The following ADARB2 variants were observed in gnomAD, a reference collection of about 807,000 sequenced individuals.
ADARB2 encodes inactive double-stranded RNA-specific editase B2.
ADARB2 carries 25 observed loss-of-function variants against 62.2 expected under a neutral mutation model. That is an observed-to-expected ratio of 0.40 (90% confidence interval 0.29 to 0.56). ADARB2 has a LOEUF of 0.56. Ranked by LOEUF, ADARB2 falls within the 20% of genes least tolerant of loss-of-function variation. The pLI, the probability that ADARB2 is intolerant of heterozygous loss-of-function variation, is 0.43. For missense variants in ADARB2, 1,071 were observed against 1,077.4 expected, an observed-to-expected ratio of 0.99 and a Z score of 0.08; for synonymous variants, 572 against 500.8, an observed-to-expected ratio of 1.14 and a Z score of -1.90.
Position 1,458,339 on chromosome 10 carries a change from A to C in ADARB2, c.101-79179T>G, listed in dbSNP as rs1831123174. 2.0e-5 allele frequency among the ~76,000 whole-genome samples: 3 copies of C among 150,790 alleles called. No individual in the cohort carries two copies. The South Asian group carries it at 6.3e-4, about 32-fold the overall frequency. On this transcript the variant is annotated intron_variant, in intron 1 of 9. Transcript: ENST00000381312. ...AATGAGCTGCCAGGAGAAGAAGGAA[A>C]GGTCCCACTTGAGAGTGAAAACTTG...
At chr10:1,622,047 A>G (rs1909437) in intron 1 of ADARB2, among the ~76,000 whole-genome samples, 44,824 of 152,128 alleles carry the variant, frequency 0.29, 7,627 homozygotes, top group African/African-American at 0.47. Flanking sequence ...ATTAATGCTT[A>G]CATCCATGGG....
intron 1 of ADARB2, among the ~76,000 whole-genome samples, chr10:1,586,147 C>G (rs976816919): frequency 2.0e-5 from 3 of 152,238 alleles, no homozygotes; most frequent in African/African-American, 7.2e-5. Context: ...GCATCCTTAA[C>G]CTTGGCAAAA....
intron 1 of ADARB2, among the ~76,000 whole-genome samples, chr10:1,500,583 CA>C (rs1263908255): frequency 1.3e-5 from 2 of 152,104 alleles, no homozygotes; most frequent in African/African-American, 4.8e-5. Context: ...ACCTACAGCA[CA>C]AAAGGGTAAA....
chr10:1,547,313 T>G (rs2012196), intron 1 of ADARB2, among the ~76,000 whole-genome samples: 57,314 of 64,326 alleles, frequency 0.89, 26,090 homozygotes, highest in East Asian at 0.97. Context: ...TGTACTGTGT[T>G]GGGGGAGAGA....
intron 1 of ADARB2, among the ~76,000 whole-genome samples, chr10:1,394,334 C>A (rs925276271): frequency 3.3e-5 from 5 of 152,182 alleles, no homozygotes; most frequent in Admixed American, 3.3e-4. Flanking sequence ...CCACCCGGGG[C>A]CCAGCCTCAA....
chr10:1,503,327 C>T (rs185222794), intron 1 of ADARB2, among the ~76,000 whole-genome samples: 11 of 151,286 alleles, frequency 7.3e-5, no homozygotes, highest in Non-Finnish European at 1.0e-4. Flanking sequence ...GCTAGGAAAA[C>T]AGGCACACGC....
intron 1 of ADARB2, among the ~76,000 whole-genome samples, chr10:1,579,967 C>G (rs1313304804): frequency 6.6e-6 from 1 of 152,186 alleles, no homozygotes. Context: ...TCTGTTCACC[C>G]AGTAAACATT....
chr10:1,231,394 C>G (rs1047436069), intron 6 of ADARB2, among the ~76,000 whole-genome samples: 3 of 152,222 alleles, frequency 2.0e-5, no homozygotes, highest in Admixed American at 6.5e-5. Context: ...ATAGGGTGAG[C>G]TGGTATCATG....
At chr10:1,598,362 C>G (rs1833364566) in intron 1 of ADARB2, among the ~76,000 whole-genome samples, 1 of 152,200 alleles carries the variant, frequency 6.6e-6, no homozygotes, top group Admixed American at 6.5e-5. Flanking sequence ...TAAACCCAGA[C>G]TCCACCACTA....
chr10:1,530,192 T>C (rs2676785), intron 1 of ADARB2, among the ~76,000 whole-genome samples: 2,397 of 152,332 alleles, frequency 0.016, 64 homozygotes, highest in African/African-American at 0.055. Flanking sequence ...GCCCCTGCTA[T>C]GGGATGTGGA....
intron 1 of ADARB2, among the ~76,000 whole-genome samples, chr10:1,599,416 C>T (rs142335713): frequency 2.0e-5 from 3 of 152,316 alleles, no homozygotes; most frequent in East Asian, 1.9e-4. Context: ...CAGTGACGAC[C>T]GGTAGCTGTG....
chr10:1,550,126 C>G (rs1200260005), intron 1 of ADARB2, among the ~76,000 whole-genome samples: 1 of 152,152 alleles, frequency 6.6e-6, no homozygotes. Flanking sequence ...AATGGGGTCC[C>G]TGCTCCCCAC....
chr10:1,702,236 C>T (rs1336301407), intron 1 of ADARB2, among the ~76,000 whole-genome samples: 1 of 152,346 alleles, frequency 6.6e-6, no homozygotes, highest in Non-Finnish European at 1.5e-5. Flanking sequence ...ATGAGAACAA[C>T]TCATCATTGT....
chr10:1,330,888 T>C (rs1831922427), intron 3 of ADARB2, among the ~76,000 whole-genome samples: 1 of 152,252 alleles, frequency 6.6e-6, no homozygotes, highest in Non-Finnish European at 1.5e-5. Context: ...CTATGTCTGA[T>C]AATGGTATGA....
At chr10:1,278,195 G>C (rs997527773) in intron 3 of ADARB2, among the ~76,000 whole-genome samples, 4 of 152,108 alleles carry the variant, frequency 2.6e-5, no homozygotes, top group Admixed American at 2.0e-4. Flanking sequence ...GGTCAGGTTG[G>C]TCTAGCACTC....
chr10:1,512,876 C>G (rs1190882498), intron 1 of ADARB2, among the ~76,000 whole-genome samples: 1 of 152,192 alleles, frequency 6.6e-6, no homozygotes, highest in African/African-American at 2.4e-5. Flanking sequence ...CTGCCACCAG[C>G]CTTTCGCACA....
chr10:1,473,071 G>A (rs570401771), intron 1 of ADARB2, among the ~76,000 whole-genome samples: 88 of 152,306 alleles, frequency 5.8e-4, no homozygotes, highest in South Asian at 1.7e-3. Context: ...CATGGGGGAA[G>A]GAACGTGGGG....
intron 4 of ADARB2, among the ~76,000 whole-genome samples, chr10:1,245,095 G>C (rs968618955): frequency 6.6e-6 from 1 of 152,118 alleles, no homozygotes; most frequent in African/African-American, 2.4e-5. Flanking sequence ...AGGAGAGAAG[G>C]GGCCAGGACA....
intron 1 of ADARB2, among the ~76,000 whole-genome samples, chr10:1,732,783 A>G (rs114440149): frequency 0.016 from 2,375 of 152,322 alleles, 58 homozygotes; most frequent in African/African-American, 0.047. Flanking sequence ...CCTCATCCTC[A>G]GCACAATCTT....
Sources: allele counts gnomAD v4.1 joint callset (sites outside exome capture counted in the v4.1 genomes callset), GRCh38; gene constraint gnomAD v4.1.1; transcripts MANE v1.5; gene names NCBI Gene and HGNC (gene_info 2026-07-23, HGNC 2026-07-21).